The following ATXN2L variants were observed in gnomAD, a reference collection of about 807,000 sequenced individuals.
ATXN2L encodes the protein ataxin 2 like, also known as ataxin-2-like protein.
A neutral mutation model predicts 120.7 loss-of-function variants in ATXN2L; 24 were observed. The observed-to-expected ratio is 0.20, with a 90% CI of 0.14 to 0.28. The LOEUF (loss-of-function observed/expected upper bound fraction) is 0.28. Ranked by LOEUF, ATXN2L falls within the 10% of genes least tolerant of loss-of-function variation. ATXN2L has a pLI of 1.00. For missense variants in ATXN2L, 1,312 were observed against 1,432.3 expected, an observed-to-expected ratio of 0.92 and a Z score of 1.36; for synonymous variants, 653 against 568.1, an observed-to-expected ratio of 1.15 and a Z score of -2.13.
chr16:28,823,954 C>A, intron 1 of ATXN2L: 1 of 322,032 alleles, frequency 3.1e-6, no homozygotes, highest in Non-Finnish European at 4.6e-6. Context: ...GGAAGGGGTC[C>A]CCGGCCGTAG....
intron 10 of ATXN2L, among the ~76,000 whole-genome samples, chr16:28,831,741 A>G (rs541274459): frequency 6.6e-6 from 1 of 152,242 alleles, no homozygotes; most frequent in Admixed American, 6.5e-5. Flanking sequence ...AAGATTAGCT[A>G]GGCTTGATGG....
chr16:28,824,013 G>A (rs2050682396), intron 1 of ATXN2L: 2 of 777,242 alleles, frequency 2.6e-6, no homozygotes, highest in Non-Finnish European at 3.1e-6. Context: ...GGGGAGGGAG[G>A]GACTTGGGAG....
rs147868415 is a variant in ATXN2L, at chr16:28,832,305, T to C, written c.1422T>C (p.Ser474=). Residue 474 remains serine, a synonymous_variant, in exon 11 of 22, where the codon TCT becomes TCC. Transcript: ENST00000336783. ...CCATCGGCTCGGCAGTGCCAACCTC[T>C]TCAGCCTCCATCCCTGTGACCTCAT... is the stretch of plus-strand genomic sequence containing the variant. ...EPPIGSAVPT[S]SASIPVTSSV... The C allele has an allele frequency of 2.1e-4, 331 of 1,614,140 alleles. 2 individuals carry two copies. The African/African-American group carries it at 4.1e-3, about 20-fold the overall frequency.
At position 28,836,700 on chromosome 16, in the gene ATXN2L, T is replaced by C; in HGVS notation, c.*435T>C. The C allele has an allele frequency of 6.2e-7, 1 of 1,613,760 alleles. No individual in the cohort carries two copies. The highest frequency in any genetic ancestry group is 2.2e-5 in the East Asian group (1 of 44,844). On this transcript the variant is annotated 3_prime_UTR_variant, in exon 22 of 22. Transcript: ENST00000336783. ...ACAGCTGCTTGGGTTCTAATGCTCC[T>C]GCTCTCTTCTCTTTCCCCTCCAACC...
rs1439650589 is a variant in ATXN2L, at chr16:28,834,045, G to T, written c.2026-20G>T. On this transcript the variant is annotated intron_variant, in intron 15 of 21. Coordinates refer to ENST00000336783, the MANE Select transcript of ATXN2L (RefSeq NM_007245.4). ...AGAGGGGAAAATACAAAATAAAATT[G>T]TCCTCCCTTGTTTTTGCAGAATAAA... The T allele has an allele frequency of 6.2e-7, 1 of 1,608,606 alleles. No homozygotes were observed. Among genetic ancestry groups the T allele is most frequent in the South Asian group, 1.1e-5 (1 of 90,448 alleles).
Position 28,835,416 on chromosome 16 carries a change from G to A in ATXN2L, c.2685+17G>A, listed in dbSNP as rs371695617. The A allele has an allele frequency of 6.2e-7, 1 of 1,612,272 alleles. No homozygotes were observed. Among genetic ancestry groups the A allele is most frequent in the Non-Finnish European group, 8.5e-7 (1 of 1,179,762 alleles). On this transcript the variant is annotated intron_variant, in intron 20 of 21. Transcript: ENST00000336783. ...CCTGTCCAGGTGCCTGCCATGGGGG[G>A]TGCTGAGTGGTCCTGGTGCAGGAAT... is the stretch of plus-strand genomic sequence containing the variant.
In ATXN2L at chr16:28,825,721, A is replaced by C. The variant is rs763997655; in HGVS notation, c.393+41A>C. 2.5e-6 allele frequency: 4 copies of C among 1,613,144 alleles called. No individual in the cohort carries two copies. In the South Asian group the frequency reaches 4.4e-5, roughly 18 times the overall value. Reference sequence around the variant, plus strand: ...ACCCCCGGGTTGTTTAAGGAACGTAATGCATCTACTTTCTGGAGACACTCT... The same window carrying C: ...ACCCCCGGGTTGTTTAAGGAACGTACTGCATCTACTTTCTGGAGACACTCT... On this transcript the variant is annotated intron_variant, in intron 3 of 21. Coordinates refer to ENST00000336783, the MANE Select transcript of ATXN2L (RefSeq NM_007245.4).
intron 6 of ATXN2L, 144 bp downstream of exon 6, chr16:28,827,130 C>T: frequency 3.1e-6 from 3 of 954,286 alleles, no homozygotes; most frequent in South Asian, 8.4e-5. Context: ...TAGAAAATAG[C>T]AAAGTAAAAA....
In ATXN2L at chr16:28,835,135, C is replaced by T. The variant is rs1048265304; in HGVS notation, c.2511C>T (p.Ser837=). The change falls in exon 19 of 22, where the codon TCC becomes TCT. Residue 837 remains serine, a synonymous_variant. Transcript: ENST00000336783. ...SGSHPQAIVS[S]STPQYPSAEQ... ...GCCATCCCCAGGCCATCGTGTCATC[C>T]TCTACCCCTCAGTACCCTTCTGCAG... 4 of 1,613,962 alleles carry T rather than the reference C, an allele frequency of 2.5e-6. No individual in the cohort carries two copies. The highest frequency in any genetic ancestry group is 2.5e-6 in the Non-Finnish European group (3 of 1,179,904).
At chr16:28,828,195 G>T (rs745547233) in intron 6 of ATXN2L, among the ~76,000 whole-genome samples, 39 of 152,262 alleles carry the variant, frequency 2.6e-4, no homozygotes, top group African/African-American at 8.4e-4. Context: ...ACATGTGCCA[G>T]AATTTTTCTG....
At position 28,823,343 on chromosome 16, in the gene ATXN2L, C is replaced by T. The variant is rs1386409717; in HGVS notation, c.84C>T (p.Pro28=). 5.8e-6 allele frequency: 8 copies of T among 1,381,922 alleles called. No homozygotes were observed. Among genetic ancestry groups the T allele is most frequent in the South Asian group, 3.7e-5 (2 of 53,866 alleles). The allele number at this position is 1,381,922 out of a possible 1,614,324, so 85.6% of individuals were successfully genotyped here. ...AACAGGCCGTGGCCCGTCGGCCCCC[C>T]GGGGGCACCAGCCCTCCCAACGGCG... ...PTQQAVARRP[P]GGTSPPNGGL... Residue 28 remains proline, a synonymous_variant, in exon 1 of 22, where the codon CCC becomes CCT. Coordinates refer to ENST00000336783, the MANE Select transcript of ATXN2L (RefSeq NM_007245.4).
At chr16:28,832,783 T>C (rs1397492307) in intron 12 of ATXN2L, 34 bp from the exon 13 acceptor site, 4 of 1,604,726 alleles carry the variant, frequency 2.5e-6, no homozygotes, top group Non-Finnish European at 2.6e-6. Context: ...AAAGAATGTT[T>C]TGTATTTTCT....
chr16:28,825,461 G>A (rs892117829), intron 2 of ATXN2L, 59 bp downstream of exon 2: 2 of 1,578,406 alleles, frequency 1.3e-6, no homozygotes, highest in Non-Finnish European at 1.7e-6. Context: ...CATAATGTGG[G>A]AATATAGGGC....
At position 28,826,015 on chromosome 16, in the gene ATXN2L, A is replaced by G. The variant is rs1304623041; in HGVS notation, c.465+174A>G. Reference sequence around the variant, plus strand: ...ACAAATTTGAGGGCTGGGTACTTTAATGTTAAAATATTTAAGTTTAAATTT... The same window carrying G: ...ACAAATTTGAGGGCTGGGTACTTTAGTGTTAAAATATTTAAGTTTAAATTT... On this transcript the variant is annotated intron_variant, in intron 4 of 21. Transcript: ENST00000336783. 4 of 827,286 alleles carry G rather than the reference A, an allele frequency of 4.8e-6. No individual in the cohort carries two copies. In the African/African-American group the frequency reaches 5.2e-5, roughly 11 times the overall value. 51.2% of individuals were successfully genotyped at this position (827,286 alleles called of 1,614,324 possible). A position where few individuals can be genotyped will look rare whatever the true frequency, so the allele number is the denominator to read the frequency against.
chr16:28,830,663 G>C lies in ATXN2L; in HGVS notation c.1083G>C (p.Arg361=), dbSNP rs776327706. Residue 361 remains arginine, a synonymous_variant, in exon 9 of 22, where the codon CGG becomes CGC. Coordinates refer to ENST00000336783, the MANE Select transcript of ATXN2L (RefSeq NM_007245.4). ...CTCAACGAGTCCGGGAAGGTCCCCG[G>C]GGAGGAGTTCGATGCAGCAGCTCTC... The part of the protein sequence containing the change: ...PLPQRVREGP[R]GGVRCSSSRG... The C allele has an allele frequency of 1.2e-5, 19 of 1,612,772 alleles. No homozygotes were observed. The South Asian group carries it at 2.1e-4, about 18-fold the overall frequency.
intron 18 of ATXN2L, 36 bp from the exon 19 acceptor site, chr16:28,835,022 C>A (rs755166773): frequency 6.3e-7 from 1 of 1,588,952 alleles, no homozygotes; most frequent in South Asian, 1.2e-5. Context: ...TCCCAGCTGG[C>A]GGCTGTGCCA....
At chr16:28,832,696 T>G in intron 12 of ATXN2L, 121 bp from the exon 13 acceptor site, 1 of 1,413,996 alleles carries the variant, frequency 7.1e-7, no homozygotes. Context: ...ATTTCACTTC[T>G]GTGATCCTCA....
At position 28,823,301 on chromosome 16, in the gene ATXN2L, G is replaced by A. The variant is rs770816028; in HGVS notation, c.42G>A (p.Gln14=). 3 of 1,493,618 alleles carry A rather than the reference G, an allele frequency of 2.0e-6. No individual in the cohort carries two copies. The highest frequency in any genetic ancestry group is 2.7e-5 in the East Asian group (1 of 36,522). 92.5% of individuals were successfully genotyped at this position (1,493,618 alleles called of 1,614,324 possible). ...PQPLQQPSQP[Q]QPPPTQQAVA... The stretch of plus-strand genomic sequence containing the variant: ...CGCTACAACAGCCCTCCCAGCCCCA[G>A]CAGCCGCCCCCCACGCAACAGGCCG... The change falls in exon 1 of 22, where the codon CAG becomes CAA. Residue 14 remains glutamine (Q), a synonymous_variant. Transcript: ENST00000336783.
intron 6 of ATXN2L, 54 bp downstream of exon 6, chr16:28,827,040 G>T: frequency 7.3e-7 from 1 of 1,364,220 alleles, no homozygotes; most frequent in South Asian, 2.2e-5. Flanking sequence ...ATGGGTTGTT[G>T]ACAGTGAGGT....
Sources: allele counts gnomAD v4.1 joint callset (sites outside exome capture counted in the v4.1 genomes callset), GRCh38; gene constraint gnomAD v4.1.1; transcripts MANE v1.5; gene names NCBI Gene and HGNC (gene_info 2026-07-23, HGNC 2026-07-21).